Variants in FIG4 observed in about 807,000 individuals in gnomAD.
FIG4 encodes the protein FIG4 phosphoinositide 5-phosphatase, also known as polyphosphoinositide phosphatase.
Under a neutral mutation model 118.6 loss-of-function variants are expected in FIG4, and 112 were observed. That is an observed-to-expected ratio of 0.94 (90% CI 0.81 to 1.11). FIG4 has a LOEUF of 1.11. FIG4 is among the 50% of genes least tolerant of loss of function. The pLI is 0.00. For missense variants in FIG4, 969 were observed against 1,111.7 expected (o/e 0.87, Z 1.83); for synonymous variants, 369 against 381.2 (o/e 0.97, Z 0.37).
In FIG4 at chr6:109,762,159, T is replaced by C. The variant is rs1422632550; in HGVS notation, c.1340T>C (p.Phe447Ser). 1 of 1,613,676 alleles carries C rather than the reference T, an allele frequency of 6.2e-7. No homozygotes were observed. Among genetic ancestry groups the C allele is most frequent in the South Asian group, 1.1e-5 (1 of 91,082 alleles). ...AGTGTGGTGAAGAAAACAGGTTTCTTTGTAAACCGCCCTGATTCTTACTGT... is the reference window on the plus strand; with the variant it reads ...AGTGTGGTGAAGAAAACAGGTTTCTCTGTAAACCGCCCTGATTCTTACTGT... ...AESVVKKTGF[F>S]VNRPDSYCSI... Residue 447 changes from phenylalanine (F) to serine (S), a missense_variant, in exon 12 of 23, where the codon TTT becomes TCT. Phe to Ser is a radical substitution (Grantham distance 155, BLOSUM62 -2). Transcript: ENST00000230124.
chr6:109,779,884 A>G (rs1777744859), intron 16 of FIG4, among the ~76,000 whole-genome samples: 1 of 152,078 alleles, frequency 6.6e-6, no homozygotes, highest in South Asian at 2.1e-4. Flanking sequence ...CGACCCATTA[A>G]CCTCTCAACC....
At chr6:109,818,900 T>A (rs542368383) in intron 22 of FIG4, among the ~76,000 whole-genome samples, 1 of 152,308 alleles carries the variant, frequency 6.6e-6, no homozygotes, top group South Asian at 2.1e-4. Context: ...TCCTGGGATA[T>A]TAGTTTTTGC....
At chr6:109,823,980 G>A (rs539674397) in intron 22 of FIG4, among the ~76,000 whole-genome samples, 3 of 152,212 alleles carry the variant, frequency 2.0e-5, no homozygotes, top group African/African-American at 7.2e-5. Context: ...GGACATGCTC[G>A]TGTGCATGCA....
intron 10 of FIG4, among the ~76,000 whole-genome samples, chr6:109,753,129 G>A (rs1013079607): frequency 6.6e-6 from 1 of 152,126 alleles, no homozygotes; most frequent in Non-Finnish European, 1.5e-5. Flanking sequence ...TGTCAGATTT[G>A]TCAAAGATCA....
intron 1 of FIG4, among the ~76,000 whole-genome samples, chr6:109,698,082 G>A (rs1389203851): frequency 2.0e-5 from 3 of 151,752 alleles, no homozygotes; most frequent in African/African-American, 7.3e-5. Flanking sequence ...TAGAGACGGG[G>A]TTTCACTATG....
chr6:109,692,743 C>CCGGA (rs1774544349), intron 1 of FIG4, among the ~76,000 whole-genome samples: 1 of 151,958 alleles, frequency 6.6e-6, no homozygotes, highest in Non-Finnish European at 1.5e-5. Context: ...GTCACCCAGG[C>CCGGA]CGGAGTGCAG....
rs917052197 is a variant in FIG4, at chr6:109,691,450, C to T, written c.15C>T (p.Ala5=). Residue 5 remains alanine (A), a synonymous_variant, in exon 1 of 23, where the codon GCC becomes GCT. Transcript: ENST00000230124. ...TTGCCGCCGCCATGCCCACGGCCGCCGCCCCCATCATCAGCTCGGTCCAGA... is the reference window on the plus strand; with the variant it reads ...TTGCCGCCGCCATGCCCACGGCCGCTGCCCCCATCATCAGCTCGGTCCAGA... MPTA[A]APIISSVQKL... 14 of 1,583,926 alleles carry T rather than the reference C, an allele frequency of 8.8e-6. No individual in the cohort carries two copies. In the African/African-American group the frequency reaches 1.8e-4, roughly 20 times the overall value.
chr6:109,741,068 C>T (rs1013818066), intron 7 of FIG4, among the ~76,000 whole-genome samples: 19 of 152,088 alleles, frequency 1.2e-4, no homozygotes, highest in African/African-American at 4.1e-4. Flanking sequence ...TACCCTGACA[C>T]GTGGGGATTA....
chr6:109,743,463 T>C, intron 9 of FIG4, 191 bp downstream of exon 9: 1 of 662,768 alleles, frequency 1.5e-6, no homozygotes, highest in Non-Finnish European at 2.6e-6. Flanking sequence ...TTAAATAAAT[T>C]ATTTTTATTT....
At chr6:109,705,429 G>A (rs1775036206) in intron 1 of FIG4, among the ~76,000 whole-genome samples, 1 of 152,190 alleles carries the variant, frequency 6.6e-6, no homozygotes, top group Non-Finnish European at 1.5e-5. Flanking sequence ...TCCACATGAG[G>A]TCGCTATTCT....
rs192409693 is a variant in FIG4 at position 109,754,787 on chromosome 6, T to A, written c.1138-5463T>A. On this transcript the variant is annotated intron_variant, in intron 10 of 22. Coordinates refer to ENST00000230124, the MANE Select transcript of FIG4 (RefSeq NM_014845.6). ...TATTTCTGTGGGATCGGTGGTGATA[T>A]CTCCTTTATCGTTTTTTATTGCATC... Among the ~76,000 whole-genome samples, 462 of 152,318 alleles carry A rather than the reference T, an allele frequency of 3.0e-3. 3 individuals carry two copies. The highest frequency in any genetic ancestry group is 0.01 in the African/African-American group (419 of 41,578).
rs2128397309 is a variant in FIG4 at position 109,791,571 on chromosome 6, G to A, written c.2376G>A (p.Glu792=). The A allele has an allele frequency of 6.2e-7, 1 of 1,613,682 alleles. No homozygotes were observed. Among genetic ancestry groups the A allele is most frequent in the Non-Finnish European group, 8.5e-7 (1 of 1,179,868 alleles). ...CAGGAGACAGTGCCAAAGTGACCGA[G>A]GTGCGGGGGAGGGAAGCCTGTGGCA... The part of the protein sequence containing the change: ...TDAGDSAKVT[E]NVVQPMKELY... Residue 792 remains glutamate, a splice_region_variant and synonymous_variant, in exon 20 of 23, where the codon GAG becomes GAA. Transcript: ENST00000230124.
chr6:109,700,861 C>T (rs1438942078), intron 1 of FIG4, among the ~76,000 whole-genome samples: 1 of 152,132 alleles, frequency 6.6e-6, no homozygotes, highest in Non-Finnish European at 1.5e-5. Context: ...AGATTGGGTC[C>T]CATCCCCAGG....
chr6:109,767,011 A>G, intron 15 of FIG4, 116 bp downstream of exon 15: 1 of 838,930 alleles, frequency 1.2e-6, no homozygotes, highest in Admixed American at 2.2e-5. Context: ...AGTTTAAATA[A>G]AACAGTCTGT....
At chr6:109,753,065 A>G (rs1345158081) in intron 10 of FIG4, among the ~76,000 whole-genome samples, 1 of 152,182 alleles carries the variant, frequency 6.6e-6, no homozygotes, top group African/African-American at 2.4e-5. Context: ...ATGGCTAGCC[A>G]GTTTTCCCAG....
chr6:109,761,382 T>G (rs1301077016), intron 11 of FIG4, among the ~76,000 whole-genome samples: 4 of 151,594 alleles, frequency 2.6e-5, no homozygotes, highest in South Asian at 2.1e-4. Context: ...TGTTGTTGTT[T>G]TTGTTTCTGT....
chr6:109,744,030 C>G (rs1444831818), intron 10 of FIG4, among the ~76,000 whole-genome samples: 1 of 152,024 alleles, frequency 6.6e-6, no homozygotes, highest in Admixed American at 6.6e-5. Flanking sequence ...ATCAGGAAAT[C>G]ATTGTGTCCT....
chr6:109,818,171 A>G (rs1453664914), intron 22 of FIG4, among the ~76,000 whole-genome samples: 1 of 151,314 alleles, frequency 6.6e-6, no homozygotes, highest in Non-Finnish European at 1.5e-5. Flanking sequence ...ACAGTAAGAC[A>G]TTTTGAGAGA....
At chr6:109,733,541 T>G (rs1430566647) in intron 5 of FIG4, among the ~76,000 whole-genome samples, 1 of 152,056 alleles carries the variant, frequency 6.6e-6, no homozygotes, top group East Asian at 1.9e-4. Context: ...GCATTAAAAA[T>G]TATTTTAAAT....
Sources: gnomAD v4.1 joint callset for allele counts (sites outside exome capture counted in the v4.1 genomes callset) on GRCh38, gnomAD v4.1.1 for gene constraint, MANE v1.5 for transcripts, NCBI Gene and HGNC (gene_info 2026-07-23, HGNC 2026-07-21) for gene names.